The following RHOBTB3 variants were observed in gnomAD, a reference collection of about 807,000 sequenced individuals.
The protein encoded by RHOBTB3 is Rho related BTB domain containing 3.
A neutral mutation model predicts 67.2 loss-of-function variants in RHOBTB3; 47 were observed. The observed-to-expected ratio is 0.70, with a 90% CI of 0.55 to 0.89. The LOEUF (loss-of-function observed/expected upper bound fraction) is 0.89. Ranked by LOEUF, RHOBTB3 falls within the 40% of genes least tolerant of loss-of-function variation. The pLI, the probability that RHOBTB3 is intolerant of heterozygous loss-of-function variation, is 0.00. For synonymous variants in RHOBTB3, 273 were observed against 274.2 expected (o/e 1.00, Z 0.04); for missense variants, 631 against 750.0 (o/e 0.84, Z 1.85).
intron 6 of RHOBTB3, among the ~76,000 whole-genome samples, chr5:95,759,358 ATTATTC>A (rs1275745384): frequency 2.6e-5 from 4 of 152,234 alleles, no homozygotes; most frequent in African/African-American, 9.6e-5. Flanking sequence ...GTATCTATTT[ATTATTC>A]TTTAATTATT....
At chr5:95,776,476 T>A (rs1001553078) in intron 8 of RHOBTB3, among the ~76,000 whole-genome samples, 4 of 152,174 alleles carry the variant, frequency 2.6e-5, no homozygotes, top group Non-Finnish European at 5.9e-5. Context: ...TTATATTTTG[T>A]AATTATTTCA....
At position 95,731,662 on chromosome 5, in the gene RHOBTB3, C is replaced by T. The variant is rs779965603; in HGVS notation, c.-21C>T. 8 of 1,613,172 alleles carry T rather than the reference C, an allele frequency of 5.0e-6. No homozygotes were observed. In the East Asian group the frequency reaches 1.6e-4, roughly 31 times the overall value. On this transcript the variant is annotated 5_prime_UTR_variant, in exon 1 of 12. Coordinates refer to ENST00000379982, the MANE Select transcript of RHOBTB3 (RefSeq NM_014899.4). ...CCGCTGCTTTTCTCCGAGTCGCCGC[C>T]CTGCCCTTGGATTTGAGATCATGTA...
chr5:95,752,478 A>G, intron 5 of RHOBTB3, 128 bp downstream of exon 5: 4 of 703,236 alleles, frequency 5.7e-6, no homozygotes, highest in South Asian at 1.8e-5. Flanking sequence ...GATTCAGTCA[A>G]CCTGGGATAA....
intron 3 of RHOBTB3, among the ~76,000 whole-genome samples, chr5:95,738,868 G>T (rs1233172621): frequency 1.3e-5 from 2 of 151,982 alleles, no homozygotes; most frequent in Non-Finnish European, 2.9e-5. Context: ...ATCTCTTGTT[G>T]AAATTATTGA....
chr5:95,778,963 G>A (rs1412801523), intron 8 of RHOBTB3, among the ~76,000 whole-genome samples: 1 of 152,226 alleles, frequency 6.6e-6, no homozygotes, highest in Non-Finnish European at 1.5e-5. Flanking sequence ...CCGAGCAGTA[G>A]GCTCAGAGCT....
intron 9 of RHOBTB3, 117 bp downstream of exon 9, chr5:95,780,542 G>A (rs1485428717): frequency 1.5e-5 from 13 of 857,074 alleles, no homozygotes; most frequent in Non-Finnish European, 2.2e-5. Context: ...TGACATCACG[G>A]AATGTACTAA....
At chr5:95,736,371 G>A (rs980469941) in intron 2 of RHOBTB3, among the ~76,000 whole-genome samples, 5 of 152,122 alleles carry the variant, frequency 3.3e-5, no homozygotes, top group Non-Finnish European at 7.4e-5. Flanking sequence ...ACTGTCCAAA[G>A]GATGGATAAA....
At chr5:95,767,245 C>G (rs6885784) in intron 7 of RHOBTB3, among the ~76,000 whole-genome samples, 92,007 of 151,924 alleles carry the variant, frequency 0.61, 28,567 homozygotes, top group African/African-American at 0.71. Context: ...CATTACTCTA[C>G]GTTATTTTTT....
intron 6 of RHOBTB3, among the ~76,000 whole-genome samples, chr5:95,762,172 C>A (rs1397393550): frequency 6.6e-6 from 1 of 152,160 alleles, no homozygotes; most frequent in African/African-American, 2.4e-5. Context: ...CAAAAAATGG[C>A]AAATGCTACA....
At chr5:95,764,849 A>G (rs1160502899) in intron 7 of RHOBTB3, among the ~76,000 whole-genome samples, 1 of 152,162 alleles carries the variant, frequency 6.6e-6, no homozygotes, top group African/African-American at 2.4e-5. Flanking sequence ...TAAACAAAGT[A>G]ACGTGGAATT....
chr5:95,792,985 A>T (rs960999138), intron 11 of RHOBTB3, 74 bp from the exon 12 acceptor site: 38 of 1,004,388 alleles, frequency 3.8e-5, no homozygotes, highest in Non-Finnish European at 5.4e-5. Flanking sequence ...ATTAAAGAGG[A>T]AATCAATAGC....
chr5:95,741,699 TG>T (rs1017491617), intron 3 of RHOBTB3, among the ~76,000 whole-genome samples: 7 of 151,974 alleles, frequency 4.6e-5, no homozygotes, highest in African/African-American at 1.7e-4. Context: ...CCAGTGGGTT[TG>T]GGGGGAGGGA....
intron 4 of RHOBTB3, among the ~76,000 whole-genome samples, chr5:95,749,675 T>TA (rs1407188818): frequency 3.3e-5 from 5 of 152,328 alleles, no homozygotes; most frequent in African/African-American, 9.6e-5. Flanking sequence ...GTGCATTTCC[T>TA]AAAATACCTG....
At chr5:95,737,154 A>G (rs1755473600) in intron 3 of RHOBTB3, 79 bp downstream of exon 3, 3 of 982,474 alleles carry the variant, frequency 3.1e-6, no homozygotes, top group East Asian at 5.9e-5. Flanking sequence ...TTATTAATGG[A>G]TAATAGGGTT....
chr5:95,718,507 A>T (rs1754756303), intron 1 of RHOBTB3, among the ~76,000 whole-genome samples: 1 of 152,236 alleles, frequency 6.6e-6, no homozygotes, highest in African/African-American at 2.4e-5. Context: ...GACAGAAAAC[A>T]TGAGACTGAG....
Position 95,736,952 on chromosome 5 carries a change from A to G in RHOBTB3, c.292A>G (p.Ile98Val). The G allele has an allele frequency of 6.2e-7, 1 of 1,612,982 alleles. No individual in the cohort carries two copies. Among genetic ancestry groups the G allele is most frequent in the Non-Finnish European group, 8.5e-7 (1 of 1,179,308 alleles). The change falls in exon 3 of 12, where the codon ATC becomes GTC. Residue 98 changes from isoleucine to valine, a missense_variant. By Grantham distance (29) the Ile-to-Val change is conservative. Transcript: ENST00000379982. ...NLIGGADIIV[I>V]KYNVNDKFSF... ...AATTGGGGGCGCTGACATCATTGTGATCAAATACAACGTTAATGACAAGTT... is the reference window on the plus strand; with the variant it reads ...AATTGGGGGCGCTGACATCATTGTGGTCAAATACAACGTTAATGACAAGTT...
intron 3 of RHOBTB3, among the ~76,000 whole-genome samples, chr5:95,742,955 C>T (rs6556878): frequency 0.012 from 1,813 of 152,280 alleles, 34 homozygotes; most frequent in African/African-American, 0.042. Context: ...CCTGTAGTCC[C>T]AGCTACTCGG....
In RHOBTB3 at chr5:95,755,740, A is replaced by T. The variant is rs368758398; in HGVS notation, c.1027A>T (p.Ile343Phe). The T allele has an allele frequency of 4.3e-6, 7 of 1,613,602 alleles. No individual in the cohort carries two copies. In the African/African-American group the frequency reaches 9.3e-5, roughly 22 times the overall value. The change falls in exon 6 of 12, where the codon ATC becomes TTC. Residue 343 changes from isoleucine (I) to phenylalanine (F), a missense_variant. Coordinates refer to ENST00000379982, the MANE Select transcript of RHOBTB3 (RefSeq NM_014899.4). ...DALFCSCLSD[I>F]LRFIYSGAFQ... ...CCTCTTCTGTTCTTGTTTATCAGAC[A>T]TCCTTCGCTTCATTTATTCAGGTAT...
chr5:95,777,989 G>A (rs963551535), intron 8 of RHOBTB3, among the ~76,000 whole-genome samples: 37 of 152,048 alleles, frequency 2.4e-4, no homozygotes, highest in African/African-American at 8.2e-4. Context: ...GCATGGTAGC[G>A]CATGCCTCTA....
Sources: gnomAD v4.1 joint callset for allele counts (sites outside exome capture counted in the v4.1 genomes callset) on GRCh38, gnomAD v4.1.1 for gene constraint, MANE v1.5 for transcripts, NCBI Gene and HGNC (gene_info 2026-07-23, HGNC 2026-07-21) for gene names.